The following SMPD3 variants were observed in gnomAD, a reference collection of about 807,000 sequenced individuals.
SMPD3 encodes sphingomyelin phosphodiesterase 3.
In SMPD3, 21 loss-of-function variants were observed where a neutral mutation model predicts 55.7. The observed-to-expected ratio is 0.38, with a 90% confidence interval of 0.27 to 0.54. SMPD3 has a LOEUF of 0.54. Among genes scored for constraint, SMPD3 ranks in the 20% least tolerant of loss-of-function variants. SMPD3 has a pLI of 0.80. For synonymous variants in SMPD3, 457 were observed against 404.3 expected, an observed-to-expected ratio of 1.13 and a Z score of -1.56; for missense variants, 842 against 899.6, an observed-to-expected ratio of 0.94 and a Z score of 0.82.
chr16:68,434,338 G>C (rs1345986204), intron 1 of SMPD3, among the ~76,000 whole-genome samples: 1 of 152,194 alleles, frequency 6.6e-6, no homozygotes, highest in Non-Finnish European at 1.5e-5. Context: ...CGATGCTAAA[G>C]TACTGAGTGT....
chr16:68,448,152 C>A (rs1210105409), intron 1 of SMPD3, among the ~76,000 whole-genome samples: 1 of 152,176 alleles, frequency 6.6e-6, no homozygotes, highest in Admixed American at 6.5e-5. Context: ...TACCCAAGAG[C>A]CTTCTCCATG....
At chr16:68,430,073 T>G (rs936058878) in intron 1 of SMPD3, among the ~76,000 whole-genome samples, 8 of 151,844 alleles carry the variant, frequency 5.3e-5, no homozygotes, top group African/African-American at 1.9e-4. Flanking sequence ...GGGGTTGGAG[T>G]GGGGTTAGGA....
In SMPD3 at chr16:68,394,499, G is replaced by A. The variant is rs544534419; in HGVS notation, c.-268-7840C>T. Among the ~76,000 whole-genome samples the A allele has an allele frequency of 2.6e-5, 4 of 152,234 alleles. No homozygotes were observed. The East Asian group carries it at 5.8e-4, about 22-fold the overall frequency. ...TTTCTTTCAAAGTAGTTATTATCCA[G>A]TTCCTCTTATTTGTTCCTTCAGATT... is the stretch of plus-strand genomic sequence containing the variant. On this transcript the variant is annotated intron_variant, in intron 1 of 8. Transcript: ENST00000219334.
chr16:68,405,545 CAAA>C (rs67518521), intron 1 of SMPD3, among the ~76,000 whole-genome samples: 9 of 72,996 alleles, frequency 1.2e-4, no homozygotes, highest in African/African-American at 3.2e-4. Flanking sequence ...GACCCTGTCT[CAAA>C]AAAAAAAAAA....
intron 1 of SMPD3, among the ~76,000 whole-genome samples, chr16:68,431,660 G>A (rs967607507): frequency 9.2e-5 from 14 of 152,192 alleles, no homozygotes; most frequent in South Asian, 2.1e-4. Flanking sequence ...CATGGCTCAC[G>A]CCTGTAATCC....
At position 68,371,235 on chromosome 16, in the gene SMPD3, T is replaced by C; in HGVS notation, c.947A>G (p.Glu316Gly). Residue 316 changes from glutamate to glycine, a missense_variant, in exon 3 of 9, where the codon GAG (glutamate) becomes GGG (glycine). This residue lies in a region of SMPD3 where 649 missense variants were observed against 643.6 expected (regional missense o/e 1.01). Transcript: ENST00000219334. Reference sequence around the variant, plus strand: ...CAGGAGCTTGCTGTTGGCACCTGGCTCCCCGCTGGCACTGGTGTCTGGCCC... The same window carrying C: ...CAGGAGCTTGCTGTTGGCACCTGGCCCCCCGCTGGCACTGGTGTCTGGCCC... ...RAGPDTSASG[E>G]PGANSKLLYK... The C allele has an allele frequency of 6.2e-7, 1 of 1,606,260 alleles. No individual in the cohort carries two copies. Among genetic ancestry groups the C allele is most frequent in the Non-Finnish European group, 8.5e-7 (1 of 1,177,154 alleles).
Position 68,363,812 on chromosome 16 carries a change from C to G in SMPD3, c.1610G>C (p.Arg537Pro), listed in dbSNP as rs762901829. The change falls in exon 6 of 9, where the codon CGC (arginine) becomes CCC (proline). Residue 537 changes from arginine (R) to proline (P), a missense_variant. Physicochemically the swap from Arg to Pro is moderately radical, Grantham distance 103. This residue lies in a region of SMPD3 where 649 missense variants were observed against 643.6 expected (regional missense o/e 1.01). Coordinates refer to ENST00000219334, the MANE Select transcript of SMPD3 (RefSeq NM_018667.4). The stretch of plus-strand genomic sequence containing the variant: ...CGGCTTCTCCTCACCAGGCCCCAGG[C>G]GGCAGGGGTCCCTGTAGTGGGTGAA... ...SLFTHYRDPCRLGPGEEKPWA... is the reference protein window; with the variant it reads ...SLFTHYRDPCPLGPGEEKPWA... 1.9e-6 allele frequency: 3 copies of G among 1,571,440 alleles called. No homozygotes were observed. The highest frequency in any genetic ancestry group is 2.6e-6 in the Non-Finnish European group (3 of 1,158,136).
At chr16:68,416,601 C>T (rs1306091092) in intron 1 of SMPD3, among the ~76,000 whole-genome samples, 1 of 152,226 alleles carries the variant, frequency 6.6e-6, no homozygotes, top group Non-Finnish European at 1.5e-5. Context: ...AAACAGTTTA[C>T]CTTGGCAGGT....
intron 1 of SMPD3, among the ~76,000 whole-genome samples, chr16:68,436,397 CT>C (rs950061040): frequency 2.6e-5 from 4 of 152,268 alleles, no homozygotes; most frequent in Admixed American, 2.0e-4. Context: ...ACTCCTCCCC[CT>C]GGTAGGATTA....
intron 3 of SMPD3, chr16:68,370,309 A>T (rs568924262): frequency 6.5e-6 from 1 of 153,926 alleles, no homozygotes; most frequent in African/African-American, 2.4e-5. Flanking sequence ...GCCAGGAGGG[A>T]GGGGTGTCCA....
chr16:68,428,221 G>A (rs1567808874), intron 1 of SMPD3, among the ~76,000 whole-genome samples: 1 of 152,188 alleles, frequency 6.6e-6, no homozygotes, highest in Non-Finnish European at 1.5e-5. Flanking sequence ...AAGGCCCTGT[G>A]AGCATCTCCC....
rs533134055 is a variant in SMPD3, at chr16:68,361,825, G to A, written c.1710-66C>T. 5.6e-4 allele frequency: 860 copies of A among 1,541,714 alleles called. 1 individual carries two copies. The highest frequency in any genetic ancestry group is 7.1e-4 in the Non-Finnish European group (807 of 1,141,896). On this transcript the variant is annotated intron_variant, in intron 7 of 8. Coordinates refer to ENST00000219334, the MANE Select transcript of SMPD3 (RefSeq NM_018667.4). ...CCCCTGTGGGCCTGGCAGGGGCTGT[G>A]TGTGGAGCCATGGTCTCCTCCCAGT...
chr16:68,423,735 G>A (rs2090414507), intron 1 of SMPD3, among the ~76,000 whole-genome samples: 1 of 152,122 alleles, frequency 6.6e-6, no homozygotes, highest in African/African-American at 2.4e-5. Flanking sequence ...AAGGAGCTTA[G>A]GACCACCTCA....
At chr16:68,365,204 CCTGGCTGGATT>C in intron 3 of SMPD3, 112 bp from the exon 4 acceptor site, 1 of 1,093,638 alleles carries the variant, frequency 9.1e-7, no homozygotes, top group African/African-American at 1.5e-5. Flanking sequence ...AAGCCTGGCT[CCTGGCTGGATT>C]CTGGGGTCCG....
Position 68,363,829 on chromosome 16 carries a change from G to C in SMPD3, c.1593C>G (p.His531Gln). The C allele has an allele frequency of 6.4e-7, 1 of 1,571,508 alleles. No homozygotes were observed. Among genetic ancestry groups the C allele is most frequent in the Middle Eastern group, 1.7e-4 (1 of 6,006 alleles). ...KLEQQHSLFTHYRDPCRLGPG... is the reference protein window; with the variant it reads ...KLEQQHSLFTQYRDPCRLGPG... ...GCCCCAGGCGGCAGGGGTCCCTGTA[G>C]TGGGTGAACAGGGAGTGTTGCTGCT... The change falls in exon 6 of 9, where the codon CAC (histidine) becomes CAG (glutamine). Residue 531 changes from histidine to glutamine, a missense_variant. Coordinates refer to ENST00000219334, the MANE Select transcript of SMPD3 (RefSeq NM_018667.4).
At chr16:68,412,897 A>G (rs540269544) in intron 1 of SMPD3, among the ~76,000 whole-genome samples, 1 of 152,372 alleles carries the variant, frequency 6.6e-6, no homozygotes, top group South Asian at 2.1e-4. Context: ...AGGGGATGGA[A>G]GAACATTTTT....
intron 3 of SMPD3, 82 bp downstream of exon 3, chr16:68,370,777 G>A: frequency 6.5e-7 from 1 of 1,546,728 alleles, no homozygotes; most frequent in South Asian, 1.2e-5. Flanking sequence ...TGACGATGAG[G>A]ACTCCCCGCT....
intron 1 of SMPD3, among the ~76,000 whole-genome samples, chr16:68,390,191 C>T (rs766489538): frequency 1.3e-5 from 2 of 152,204 alleles, no homozygotes; most frequent in Non-Finnish European, 2.9e-5. Context: ...TGTCTTTTGG[C>T]ATGCCAATGC....
At chr16:68,428,569 AAACGTAAG>A (rs1404312178) in intron 1 of SMPD3, among the ~76,000 whole-genome samples, 1 of 152,210 alleles carries the variant, frequency 6.6e-6, no homozygotes, top group Non-Finnish European at 1.5e-5. Context: ...CTGGACTTCA[AAACGTAAG>A]AGGTAAATAG....
Sources: gnomAD v4.1 joint callset for allele counts (sites outside exome capture counted in the v4.1 genomes callset) on GRCh38, gnomAD v4.1.1 for gene constraint, gnomAD v4.1.1 regional missense constraint, MANE v1.5 for transcripts, NCBI Gene and HGNC (gene_info 2026-07-23, HGNC 2026-07-21) for gene names.